NBEA: variants seen among roughly 807,000 people sequenced by gnomAD.
The protein encoded by NBEA is neurobeachin, also known as lysosomal-trafficking regulator 2.
A neutral mutation model predicts 343.4 loss-of-function variants in NBEA; 44 were observed. The ratio of observed to expected loss-of-function variants is 0.13; its 90% confidence interval spans 0.10 to 0.16. The LOEUF (loss-of-function observed/expected upper bound fraction) is 0.16. NBEA is among the 10% of genes least tolerant of loss of function. NBEA has a pLI of 1.00. For missense variants in NBEA, 2,555 were observed against 3,631.3 expected (o/e 0.70, Z 7.62); for synonymous variants, 1,175 against 1,238.7 (o/e 0.95, Z 1.08).
intron 39 of NBEA, among the ~76,000 whole-genome samples, chr13:35,445,800 A>ATATG (rs1555267166): frequency 1.2e-5 from 1 of 84,424 alleles, no homozygotes; most frequent in Non-Finnish European, 2.4e-5. Flanking sequence ...ATATATATAT[A>ATATG]TATATATATA....
intron 47 of NBEA, among the ~76,000 whole-genome samples, chr13:35,595,227 T>C (rs2081731593): frequency 6.6e-6 from 1 of 152,044 alleles, no homozygotes; most frequent in African/African-American, 2.4e-5. Context: ...CTAATTGTAT[T>C]TGGGGGGCTC....
intron 40 of NBEA, among the ~76,000 whole-genome samples, chr13:35,467,482 A>G (rs2075437605): frequency 6.6e-6 from 1 of 151,912 alleles, no homozygotes; most frequent in Admixed American, 6.6e-5. Flanking sequence ...AAAAAAATAA[A>G]AGAGTCCAAA....
At chr13:35,416,765 G>T (rs1014729545) in intron 38 of NBEA, among the ~76,000 whole-genome samples, 3 of 152,126 alleles carry the variant, frequency 2.0e-5, no homozygotes, top group African/African-American at 7.2e-5. Context: ...ATGAATTAGG[G>T]AGGATTCCCT....
intron 10 of NBEA, among the ~76,000 whole-genome samples, chr13:35,082,227 T>C (rs1209156483): frequency 2.6e-5 from 4 of 152,156 alleles, no homozygotes; most frequent in Admixed American, 2.6e-4. Flanking sequence ...TTCATCCATG[T>C]CCCTACAAAG....
intron 17 of NBEA, among the ~76,000 whole-genome samples, chr13:35,133,235 A>G (rs2067524529): frequency 6.6e-6 from 1 of 152,172 alleles, no homozygotes; most frequent in Non-Finnish European, 1.5e-5. Flanking sequence ...AACTTGAGTT[A>G]GCAGTAAACA....
chr13:35,330,387 G>T (rs148906563), intron 36 of NBEA, among the ~76,000 whole-genome samples: 1 of 151,986 alleles, frequency 6.6e-6, no homozygotes, highest in Non-Finnish European at 1.5e-5. Context: ...CTGGACAATC[G>T]TGAGGAAAAT....
intron 39 of NBEA, among the ~76,000 whole-genome samples, chr13:35,437,063 T>A (rs1382900000): frequency 6.6e-6 from 1 of 152,222 alleles, no homozygotes; most frequent in Non-Finnish European, 1.5e-5. Context: ...TAAGCCTTTA[T>A]TAGTGTAATA....
At chr13:35,001,387 G>A (rs75505120) in intron 1 of NBEA, among the ~76,000 whole-genome samples, 34 of 152,136 alleles carry the variant, frequency 2.2e-4, no homozygotes, top group Middle Eastern at 3.4e-3. Context: ...TTATTGCAGC[G>A]CTATTCACAG....
At chr13:35,645,093 G>T (rs974266604) in intron 49 of NBEA, among the ~76,000 whole-genome samples, 1 of 152,152 alleles carries the variant, frequency 6.6e-6, no homozygotes, top group Non-Finnish European at 1.5e-5. Flanking sequence ...CAGTGTAGGA[G>T]GACAGATTTT....
chr13:35,074,743 T>C (rs1367274961), intron 10 of NBEA, among the ~76,000 whole-genome samples: 2 of 152,146 alleles, frequency 1.3e-5, no homozygotes, highest in Non-Finnish European at 2.9e-5. Flanking sequence ...GGGATACATA[T>C]AAATAGTAAA....
At chr13:35,127,323 TA>T (rs951661415) in intron 17 of NBEA, among the ~76,000 whole-genome samples, 5 of 152,216 alleles carry the variant, frequency 3.3e-5, no homozygotes, top group African/African-American at 9.6e-5. Context: ...TTTCTGTGAC[TA>T]AATCTTGAGG....
At chr13:35,146,528 C>G (rs551834139) in intron 18 of NBEA, among the ~76,000 whole-genome samples, 10 of 152,264 alleles carry the variant, frequency 6.6e-5, no homozygotes, top group African/African-American at 2.4e-4. Flanking sequence ...CCTTCTCTCC[C>G]TTTGGAGCTG....
At chr13:35,057,940 C>CAGTACGAAA (rs1444820863) in intron 7 of NBEA, among the ~76,000 whole-genome samples, 4 of 151,904 alleles carry the variant, frequency 2.6e-5, no homozygotes, top group Non-Finnish European at 5.9e-5. Context: ...TACTTTATTG[C>CAGTACGAAA]AGTACGAAAA....
At chr13:35,116,572 C>A (rs1266343149) in intron 13 of NBEA, among the ~76,000 whole-genome samples, 1 of 151,846 alleles carries the variant, frequency 6.6e-6, no homozygotes, top group African/African-American at 2.4e-5. Context: ...AACTTGCTTG[C>A]AGATATAATA....
chr13:35,466,562 G>C (rs1423431375), intron 40 of NBEA, among the ~76,000 whole-genome samples: 1 of 152,098 alleles, frequency 6.6e-6, no homozygotes, highest in Non-Finnish European at 1.5e-5. Flanking sequence ...TGACTTCCAG[G>C]GCTCAAGGGA....
intron 33 of NBEA, among the ~76,000 whole-genome samples, chr13:35,211,601 G>A (rs1383032024): frequency 6.6e-6 from 1 of 151,864 alleles, no homozygotes; most frequent in Non-Finnish European, 1.5e-5. Flanking sequence ...GATCACTTGA[G>A]GCCAGAAGTT....
chr13:35,186,581 CAT>C (rs1383224690), intron 30 of NBEA: 1 of 152,112 alleles, frequency 6.6e-6, no homozygotes, highest in Non-Finnish European at 1.5e-5. Flanking sequence ...GTGTTATTGA[CAT>C]AAAACAAAAA....
chr13:35,207,123 C>T (rs960748353), intron 31 of NBEA, among the ~76,000 whole-genome samples: 5 of 151,598 alleles, frequency 3.3e-5, no homozygotes, highest in Non-Finnish European at 5.9e-5. Context: ...AGGTATTATA[C>T]AAAATGTTTT....
At chr13:35,202,427 CT>C (rs1223996961) in intron 31 of NBEA, among the ~76,000 whole-genome samples, 1 of 152,150 alleles carries the variant, frequency 6.6e-6, no homozygotes, top group Non-Finnish European at 1.5e-5. Flanking sequence ...GAACGGGATT[CT>C]TATAGTGTGC....
Sources: gnomAD v4.1 joint callset for allele counts (sites outside exome capture counted in the v4.1 genomes callset) on GRCh38, gnomAD v4.1.1 for gene constraint, MANE v1.5 for transcripts, NCBI Gene and HGNC (gene_info 2026-07-23, HGNC 2026-07-21) for gene names.